SNAP25: variants seen among roughly 807,000 people sequenced by gnomAD.
The protein encoded by SNAP25 is synaptosome associated protein 25.
A neutral mutation model predicts 28.7 loss-of-function variants in SNAP25; 3 were observed. That is an observed-to-expected ratio of 0.10 (90% confidence interval 0.05 to 0.27). SNAP25 has a LOEUF of 0.27. SNAP25 is among the 10% of genes least tolerant of loss of function. The pLI, the probability that SNAP25 is intolerant of heterozygous loss-of-function variation, is 1.00. For synonymous variants in SNAP25, 61 were observed against 88.1 expected, an observed-to-expected ratio of 0.69 and a Z score of 1.72; for missense variants, 117 against 278.7, an observed-to-expected ratio of 0.42 and a Z score of 4.13.
intron 1 of SNAP25, among the ~76,000 whole-genome samples, chr20:10,271,790 C>A (rs2122973100): frequency 6.6e-6 from 1 of 152,230 alleles, no homozygotes; most frequent in Middle Eastern, 3.4e-3. Flanking sequence ...AGCAAATAGA[C>A]CTGAAGGAGT....
At chr20:10,235,654 C>G (rs2062905255) in intron 1 of SNAP25, among the ~76,000 whole-genome samples, 1 of 152,138 alleles carries the variant, frequency 6.6e-6, no homozygotes, top group Non-Finnish European at 1.5e-5. Flanking sequence ...AAACAGCAAC[C>G]ATTTCTTATT....
intron 1 of SNAP25, among the ~76,000 whole-genome samples, chr20:10,221,651 T>C (rs1022732727): frequency 1.3e-5 from 2 of 152,208 alleles, no homozygotes; most frequent in Admixed American, 1.3e-4. Context: ...TCCCAAGAAT[T>C]CACAATTTTA....
At chr20:10,230,912 G>A (rs73899512) in intron 1 of SNAP25, among the ~76,000 whole-genome samples, 3,555 of 152,202 alleles carry the variant, frequency 0.023, 101 homozygotes, top group African/African-American at 0.063. Flanking sequence ...GTGGGATGGG[G>A]GCCAACTGGC....
At chr20:10,276,839 T>C (rs1195342879) in intron 2 of SNAP25, among the ~76,000 whole-genome samples, 1 of 152,276 alleles carries the variant, frequency 6.6e-6, no homozygotes, top group East Asian at 1.9e-4. Context: ...TATGTATTTG[T>C]GTATTTTTCC....
intron 4 of SNAP25, among the ~76,000 whole-genome samples, chr20:10,291,127 G>A (rs980199480): frequency 6.6e-6 from 1 of 152,178 alleles, no homozygotes; most frequent in Non-Finnish European, 1.5e-5. Context: ...AAGCTGGAAT[G>A]CAATAGTGCA....
intron 1 of SNAP25, among the ~76,000 whole-genome samples, chr20:10,248,858 C>T (rs1421080322): frequency 6.6e-6 from 1 of 152,202 alleles, no homozygotes; most frequent in Non-Finnish European, 1.5e-5. Context: ...TTCATTTGGT[C>T]TGGGGCCTAA....
At chr20:10,295,737 T>A (rs2064095745) in intron 5 of SNAP25, among the ~76,000 whole-genome samples, 1 of 152,194 alleles carries the variant, frequency 6.6e-6, no homozygotes, top group African/African-American at 2.4e-5. Flanking sequence ...GTTTTTGGAC[T>A]AAAAAGCATA....
chr20:10,227,129 A>G (rs1388045362), intron 1 of SNAP25, among the ~76,000 whole-genome samples: 1 of 152,106 alleles, frequency 6.6e-6, no homozygotes, highest in Non-Finnish European at 1.5e-5. Flanking sequence ...AAGTAGAATT[A>G]TGTAGTGATT....
chr20:10,301,889 A>T (rs1315812076), intron 7 of SNAP25, among the ~76,000 whole-genome samples: 9 of 144,794 alleles, frequency 6.2e-5, no homozygotes, highest in African/African-American at 1.0e-4. Flanking sequence ...TAATATATAT[A>T]TTATATGTAT....
At chr20:10,303,267 T>C (rs963513698) in intron 7 of SNAP25, among the ~76,000 whole-genome samples, 7 of 152,130 alleles carry the variant, frequency 4.6e-5, no homozygotes, top group African/African-American at 1.7e-4. Context: ...CATTTTCCAA[T>C]TGAGAAACCT....
intron 1 of SNAP25, among the ~76,000 whole-genome samples, chr20:10,225,234 G>GA (rs3838033): frequency 0.46 from 65,799 of 144,588 alleles, 15,553 homozygotes; most frequent in Admixed American, 0.59. Context: ...TCCCGGAGGG[G>GA]AAAAAAAAAA....
intron 4 of SNAP25, 46 bp downstream of exon 4, chr20:10,284,818 T>C (rs765832216): frequency 1.4e-5 from 21 of 1,496,738 alleles, no homozygotes; most frequent in Non-Finnish European, 2.0e-5. Flanking sequence ...TTCTGAATAA[T>C]GTGCATTTTA....
chr20:10,236,852 T>C (rs2062931755), intron 1 of SNAP25, among the ~76,000 whole-genome samples: 1 of 151,946 alleles, frequency 6.6e-6, no homozygotes, highest in African/African-American at 2.4e-5. Context: ...TTTGCTCGAC[T>C]CACTTCAGAT....
intron 3 of SNAP25, among the ~76,000 whole-genome samples, chr20:10,282,139 GGAA>G (rs373229721): frequency 3.4e-4 from 45 of 133,632 alleles, no homozygotes; most frequent in African/African-American, 1.3e-3. Context: ...ACACTAGGAA[GGAA>G]GGAGGGAAGG....
intron 1 of SNAP25, among the ~76,000 whole-genome samples, chr20:10,233,438 T>G (rs1290364234): frequency 6.6e-6 from 1 of 152,206 alleles, no homozygotes; most frequent in African/African-American, 2.4e-5. Flanking sequence ...TGTCACAAAT[T>G]TTCTTGGACA....
chr20:10,305,414 C>T (rs983749303), intron 7 of SNAP25, among the ~76,000 whole-genome samples: 7 of 152,086 alleles, frequency 4.6e-5, no homozygotes, highest in Non-Finnish European at 1.0e-4. Flanking sequence ...TGGTGGCATG[C>T]ACCTGTGGTC....
At chr20:10,274,422 C>T (rs2063650640) in intron 1 of SNAP25, among the ~76,000 whole-genome samples, 1 of 152,188 alleles carries the variant, frequency 6.6e-6, no homozygotes, top group Admixed American at 6.5e-5. Context: ...ACTATTAATA[C>T]ATGCTGCAAC....
rs186191720 is a variant in SNAP25, at chr20:10,249,342, T to C, written c.-63-26087T>C. ...CCCAGCAGCTTCCACATGCTGATAC[T>C]GAAGTGACTGTTTCTGACTGAAGGA... On this transcript the variant is annotated intron_variant, in intron 1 of 7. Transcript: ENST00000254976. Among the ~76,000 whole-genome samples the C allele has an allele frequency of 4.5e-3, 679 of 152,218 alleles. 4 individuals carry two copies. The highest frequency in any genetic ancestry group is 6.5e-3 in the Non-Finnish European group (440 of 68,016).
rs1008040936 is a variant in SNAP25, at chr20:10,249,520, GA to G, written c.-63-25901del. Among the ~76,000 whole-genome samples, 41 of 152,058 alleles carry G rather than the reference GA, an allele frequency of 2.7e-4. 2 individuals carry two copies. The highest frequency in any genetic ancestry group is 2.1e-3 in the Admixed American group (32 of 15,274). ...TATTATTTTGGCGGGTTCCTTACAA[GA>G]AAAAAAATAACCCTCCTGTGATGGC... is the stretch of plus-strand genomic sequence containing the variant. On this transcript the variant is annotated intron_variant, in intron 1 of 7. Transcript: ENST00000254976.
Sources: allele counts gnomAD v4.1 joint callset (sites outside exome capture counted in the v4.1 genomes callset), GRCh38; gene constraint gnomAD v4.1.1; transcripts MANE v1.5; gene names NCBI Gene and HGNC (gene_info 2026-07-23, HGNC 2026-07-21).